QTGAL: variants seen among roughly 807,000 people sequenced by gnomAD.
QTGAL encodes the protein queuosine-tRNA galactosyltransferase.
At chr17:83,020,877 G>A in the QTGAL span, among the ~76,000 whole-genome samples, 1 of 152,176 alleles carries the variant, frequency 6.6e-6, no homozygotes, top group African/African-American at 2.4e-5. Flanking sequence ...TTAATTTGGG[G>A]AAGACAGAGA....
chr17:82,970,550 G>GCGTGGCCGCGACCTCCCCACCCA, the QTGAL span, among the ~76,000 whole-genome samples: 1 of 91,722 alleles, frequency 1.1e-5, no homozygotes, highest in African/African-American at 5.0e-5. Context: ...CTCCGCACCC[G>GCGTGGCCGCGACCTCCCCACCCA]GCGTGGCCGC....
At chr17:83,037,381 C>T in the QTGAL span, among the ~76,000 whole-genome samples, 4 of 152,258 alleles carry the variant, frequency 2.6e-5, no homozygotes, top group African/African-American at 9.6e-5. The surrounding 1 kb of genome is among the most constrained non-coding windows in gnomAD (Gnocchi z 5.2). Context: ...CGGAGCAGTG[C>T]CCCTCTTCAT....
the QTGAL span, among the ~76,000 whole-genome samples, chr17:82,978,154 G>A: frequency 6.6e-6 from 1 of 152,042 alleles, no homozygotes; most frequent in Non-Finnish European, 1.5e-5. This position sits in a 1 kb window ranked among gnomAD's most constrained non-coding sequence, Gnocchi z 4.8. Flanking sequence ...AACAAGCCAC[G>A]CGTGGCCTTT....
chr17:83,015,287 T>C, the QTGAL span, among the ~76,000 whole-genome samples: 1 of 152,186 alleles, frequency 6.6e-6, no homozygotes, highest in Non-Finnish European at 1.5e-5. This position sits in a 1 kb window ranked among gnomAD's most constrained non-coding sequence, Gnocchi z 4.4. Context: ...TCTGGCATCT[T>C]CCAGCAAAGC....
chr17:82,965,566 G>A, the QTGAL span: 1 of 1,336,718 alleles, frequency 7.5e-7, no homozygotes, highest in South Asian at 1.3e-5. Flanking sequence ...TGGCAAGGCG[G>A]AGGGTGGCCA....
At chr17:83,017,496 G>T in the QTGAL span, among the ~76,000 whole-genome samples, 1 of 151,994 alleles carries the variant, frequency 6.6e-6, no homozygotes, top group African/African-American at 2.4e-5. Flanking sequence ...GGTGCTGCAC[G>T]CCTGTAGTCC....
At chr17:82,970,543 C>A in the QTGAL span, among the ~76,000 whole-genome samples, 1 of 133,172 alleles carries the variant, frequency 7.5e-6, no homozygotes, top group Non-Finnish European at 1.5e-5. Flanking sequence ...CCGCGACCTC[C>A]GCACCCGGCG....
the QTGAL span, among the ~76,000 whole-genome samples, chr17:83,033,031 C>A: frequency 1.3e-5 from 2 of 152,210 alleles, no homozygotes; most frequent in Non-Finnish European, 2.9e-5. Flanking sequence ...TGGGCCAGAG[C>A]GGCCTGGAGA....
chr17:83,049,082 T>C, the QTGAL span: 10 of 299,948 alleles, frequency 3.3e-5, no homozygotes, highest in Non-Finnish European at 5.7e-5. Context: ...TGAAACCCCA[T>C]CTCTACTAAA....
At chr17:82,955,421 A>G in the QTGAL span, among the ~76,000 whole-genome samples, 7 of 152,252 alleles carry the variant, frequency 4.6e-5, no homozygotes, top group Non-Finnish European at 7.3e-5. Flanking sequence ...TGGTCGTTAG[A>G]GAAATGCAAA....
chr17:83,049,918 T>C, the QTGAL span, among the ~76,000 whole-genome samples: 3 of 152,206 alleles, frequency 2.0e-5, no homozygotes, highest in South Asian at 4.1e-4. Context: ...CATTATAATA[T>C]TAAGTGATAC....
the QTGAL span, among the ~76,000 whole-genome samples, chr17:82,991,072 T>C: frequency 0.012 from 1,850 of 152,256 alleles, 43 homozygotes; most frequent in African/African-American, 0.042. Flanking sequence ...AGATCGTAGA[T>C]GAAAATTAAC....
At chr17:83,012,525 G>A in the QTGAL span, among the ~76,000 whole-genome samples, 140 of 152,146 alleles carry the variant, frequency 9.2e-4, no homozygotes, top group Admixed American at 2.3e-3. Flanking sequence ...CCTCACATAC[G>A]GACGGCTCAG....
chr17:82,957,882 T>C, the QTGAL span, among the ~76,000 whole-genome samples: 14 of 152,162 alleles, frequency 9.2e-5, no homozygotes, highest in Non-Finnish European at 1.5e-4. Context: ...CGTTCACACT[T>C]GGACACGACC....
chr17:82,971,170 G>A, the QTGAL span, among the ~76,000 whole-genome samples: 7 of 152,290 alleles, frequency 4.6e-5, no homozygotes, highest in East Asian at 3.9e-4. Flanking sequence ...TCCAAACCAC[G>A]GCAATTATAT....
At chr17:83,018,225 A>G in the QTGAL span, among the ~76,000 whole-genome samples, 1 of 150,448 alleles carries the variant, frequency 6.6e-6, no homozygotes, top group Admixed American at 6.6e-5. Flanking sequence ...TGTATCAGGT[A>G]CCACACGTGC....
the QTGAL span, among the ~76,000 whole-genome samples, chr17:83,024,206 G>A: frequency 1.3e-5 from 2 of 152,350 alleles, no homozygotes; most frequent in Non-Finnish European, 2.9e-5. Context: ...CTGGTCGTCT[G>A]CAGAAGAGCC....
chr17:83,035,786 C>T, the QTGAL span, among the ~76,000 whole-genome samples: 12 of 152,262 alleles, frequency 7.9e-5, no homozygotes, highest in East Asian at 3.9e-4. Context: ...AGTCAGGATC[C>T]GGTCACAAGA....
the QTGAL span, among the ~76,000 whole-genome samples, chr17:82,982,622 G>A: frequency 6.8e-6 from 1 of 146,228 alleles, no homozygotes; most frequent in Non-Finnish European, 1.5e-5. Flanking sequence ...CTTGATCTGG[G>A]ACTCCAGCTT....
Sources: allele counts gnomAD v4.1 joint callset (sites outside exome capture counted in the v4.1 genomes callset), GRCh38; gene constraint gnomAD v4.1.1; non-coding constraint Gnocchi (gnomAD v3.1); transcripts MANE v1.5; gene names NCBI Gene and HGNC (gene_info 2026-07-23, HGNC 2026-07-21).